SHTN1: variants seen among roughly 807,000 people sequenced by gnomAD.
The protein encoded by SHTN1 is shootin-1.
SHTN1 carries 42 observed loss-of-function variants against 83.1 expected under a neutral mutation model. The ratio of observed to expected loss-of-function variants is 0.51; its 90% CI spans 0.39 to 0.65. SHTN1 has a LOEUF of 0.65. Ranked by LOEUF, SHTN1 falls within the 30% of genes least tolerant of loss-of-function variation. The pLI is 0.00. For synonymous variants in SHTN1, 224 were observed against 247.7 expected, an observed-to-expected ratio of 0.90 and a Z score of 0.90; for missense variants, 622 against 737.8, an observed-to-expected ratio of 0.84 and a Z score of 1.82.
chr10:116,975,174 A>G (rs528308560), intron 2 of SHTN1, among the ~76,000 whole-genome samples: 1 of 152,312 alleles, frequency 6.6e-6, no homozygotes, highest in South Asian at 2.1e-4. Context: ...CTGTTTTTAC[A>G]TTTGAAGGCA....
At chr10:117,060,052 A>T (rs1852877442) in intron 1 of SHTN1, among the ~76,000 whole-genome samples, 1 of 152,016 alleles carries the variant, frequency 6.6e-6, no homozygotes, top group Non-Finnish European at 1.5e-5. Flanking sequence ...CCCTAAAAAA[A>T]ATTTTTTTTA....
chr10:117,102,267 C>T (rs1853604990), intron 1 of SHTN1, among the ~76,000 whole-genome samples: 1 of 152,162 alleles, frequency 6.6e-6, no homozygotes, highest in Admixed American at 6.5e-5. Context: ...ATCCTTTAGA[C>T]TCCTGCAAAC....
chr10:116,960,262 T>C, intron 3 of SHTN1, 32 bp from the exon 4 acceptor site: 1 of 1,230,340 alleles, frequency 8.1e-7, no homozygotes, highest in South Asian at 1.2e-5. Flanking sequence ...AATCTCAGCA[T>C]TCAAAGATTA....
chr10:116,968,451 C>T (rs1035125796), intron 3 of SHTN1, among the ~76,000 whole-genome samples: 1 of 152,194 alleles, frequency 6.6e-6, no homozygotes, highest in African/African-American at 2.4e-5. Context: ...GTTTTTCTAA[C>T]ACCCTTGATG....
chr10:116,978,305 T>TA (rs1850881017), intron 2 of SHTN1, among the ~76,000 whole-genome samples: 1 of 152,210 alleles, frequency 6.6e-6, no homozygotes, highest in African/African-American at 2.4e-5. Flanking sequence ...TGCCAGTTTT[T>TA]ATTACAGCTC....
upstream of SHTN1, among the ~76,000 whole-genome samples, chr10:117,006,812 T>G (rs573688310): frequency 2.0e-5 from 3 of 152,162 alleles, no homozygotes; most frequent in Admixed American, 1.3e-4. Flanking sequence ...CCATTTCTTG[T>G]GTTCATTTCT....
chr10:116,993,023 T>TC (rs543260463), intron 1 of SHTN1, among the ~76,000 whole-genome samples: 5 of 143,244 alleles, frequency 3.5e-5, no homozygotes, highest in Admixed American at 1.4e-4. Flanking sequence ...TTTTCTTTTT[T>TC]TTTTTTTTTT....
chr10:117,017,446 A>C (rs866826059), intron 2 of SHTN1, among the ~76,000 whole-genome samples: 1 of 148,484 alleles, frequency 6.7e-6, no homozygotes, highest in Non-Finnish European at 1.5e-5. Context: ...AGCCGAGATC[A>C]CGCCACTGCA....
chr10:116,907,009 A>G (rs1847994428), intron 14 of SHTN1, among the ~76,000 whole-genome samples: 1 of 152,216 alleles, frequency 6.6e-6, no homozygotes, highest in Admixed American at 6.5e-5. Flanking sequence ...GGAAGAGGTG[A>G]CTATATGAAA....
At chr10:117,120,998 CG>C (rs1202008206) in intron 1 of SHTN1, among the ~76,000 whole-genome samples, 1 of 151,932 alleles carries the variant, frequency 6.6e-6, no homozygotes, top group Non-Finnish European at 1.5e-5. Flanking sequence ...TTAGGAGAGA[CG>C]GGGTTTCCCC....
chr10:117,049,167 T>A (rs1032742312), intron 1 of SHTN1, among the ~76,000 whole-genome samples: 9 of 152,096 alleles, frequency 5.9e-5, no homozygotes, highest in Non-Finnish European at 1.3e-4. Flanking sequence ...GACAGAGATG[T>A]TTGCAGTCAT....
intron 2 of SHTN1, among the ~76,000 whole-genome samples, chr10:116,977,036 C>T (rs996055064): frequency 2.6e-5 from 4 of 152,154 alleles, no homozygotes; most frequent in Non-Finnish European, 4.4e-5. Context: ...TTACCAAATG[C>T]ATTTTACCTA....
chr10:116,887,117 G>T (rs576472166), intron 16 of SHTN1, among the ~76,000 whole-genome samples: 6 of 152,202 alleles, frequency 3.9e-5, no homozygotes, highest in Non-Finnish European at 8.8e-5. Context: ...TCAGGAGGGG[G>T]TGGTGGTAGG....
At chr10:117,089,936 G>C (rs970859011) in intron 1 of SHTN1, among the ~76,000 whole-genome samples, 1 of 152,120 alleles carries the variant, frequency 6.6e-6, no homozygotes, top group Non-Finnish European at 1.5e-5. Flanking sequence ...ACATATGTTG[G>C]TGAGGATGTG....
At chr10:117,074,994 A>G (rs1853131977) in intron 1 of SHTN1, among the ~76,000 whole-genome samples, 1 of 152,194 alleles carries the variant, frequency 6.6e-6, no homozygotes, top group Non-Finnish European at 1.5e-5. Flanking sequence ...AAATTAAGAT[A>G]TTGTGAAGAA....
chr10:116,944,693 C>A (rs1849509697), intron 8 of SHTN1, among the ~76,000 whole-genome samples: 1 of 151,986 alleles, frequency 6.6e-6, no homozygotes, highest in Non-Finnish European at 1.5e-5. Context: ...GAGATCAAGA[C>A]CATCCTGGTC....
intron 9 of SHTN1, among the ~76,000 whole-genome samples, chr10:116,936,495 A>C (rs1190963539): frequency 6.6e-6 from 1 of 152,194 alleles, no homozygotes; most frequent in Non-Finnish European, 1.5e-5. Context: ...GAGTTTCTTA[A>C]TCCTGATTTC....
At chr10:116,951,070 C>A (rs1849759786) in intron 6 of SHTN1, among the ~76,000 whole-genome samples, 1 of 152,132 alleles carries the variant, frequency 6.6e-6, no homozygotes, top group Non-Finnish European at 1.5e-5. Flanking sequence ...GAAGGCAAAT[C>A]CTTGAAGCCT....
chr10:116,979,653 C>T lies in SHTN1; in HGVS notation c.59-345G>A, dbSNP rs1850943749. On this transcript the variant is annotated intron_variant, in intron 1 of 16. Transcript: ENST00000355371. ...CCCACCAAACTAAATTTCAGTTCTCCCTAGGTCATTAGGAACACCCATGAT... is the reference window on the plus strand; with the variant it reads ...CCCACCAAACTAAATTTCAGTTCTCTCTAGGTCATTAGGAACACCCATGAT... Among the ~76,000 whole-genome samples the T allele has an allele frequency of 2.0e-5, 3 of 152,176 alleles. No individual in the cohort carries two copies. In the South Asian group the frequency reaches 6.2e-4, roughly 32 times the overall value.
Sources: gnomAD v4.1 joint callset for allele counts (sites outside exome capture counted in the v4.1 genomes callset) on GRCh38, gnomAD v4.1.1 for gene constraint, MANE v1.5 for transcripts, NCBI Gene and HGNC (gene_info 2026-07-23, HGNC 2026-07-21) for gene names.